The following NRXN3 variants were observed in gnomAD, a reference collection of about 807,000 sequenced individuals.
NRXN3 encodes neurexin 3.
NRXN3 carries 32 observed loss-of-function variants against 137.6 expected under a neutral mutation model. That is an observed-to-expected ratio of 0.23 (90% CI 0.18 to 0.31). The LOEUF is 0.31. Among genes scored for constraint, NRXN3 ranks in the 10% least tolerant of loss-of-function variants. The probability of loss-of-function intolerance (pLI) is 1.00; values close to 1 mark genes in which losing one functional copy is unlikely to be tolerated. For missense variants in NRXN3, 1,574 were observed against 2,062.5 expected, an observed-to-expected ratio of 0.76 and a Z score of 4.59; for synonymous variants, 798 against 784.5, an observed-to-expected ratio of 1.02 and a Z score of -0.29.
At chr14:78,501,641 G>T (rs948039833) in intron 4 of NRXN3, among the ~76,000 whole-genome samples, 4 of 152,148 alleles carry the variant, frequency 2.6e-5, no homozygotes, top group Non-Finnish European at 5.9e-5. Context: ...CATTATAGAA[G>T]TTGTCTACCA....
chr14:78,516,003 G>A (rs964928055), intron 4 of NRXN3, among the ~76,000 whole-genome samples: 3 of 152,054 alleles, frequency 2.0e-5, no homozygotes, highest in African/African-American at 7.2e-5. Context: ...TTGCTGTGAG[G>A]ACTAATGACA....
intron 15 of NRXN3, among the ~76,000 whole-genome samples, chr14:79,421,299 T>A (rs911696984): frequency 1.3e-5 from 2 of 152,196 alleles, no homozygotes; most frequent in Admixed American, 1.3e-4. Flanking sequence ...ATCCAGAAAT[T>A]TGCAGTTGTG....
intron 15 of NRXN3, among the ~76,000 whole-genome samples, chr14:79,254,673 G>T (rs1381452848): frequency 6.6e-6 from 1 of 152,100 alleles, no homozygotes; most frequent in Non-Finnish European, 1.5e-5. Flanking sequence ...GACCACTTTA[G>T]CTGCCATCAG....
intron 4 of NRXN3, among the ~76,000 whole-genome samples, chr14:78,596,048 C>T (rs1004127415): frequency 6.6e-6 from 1 of 152,072 alleles, no homozygotes; most frequent in Non-Finnish European, 1.5e-5. Context: ...CTACGACGCA[C>T]ATGACAGTGC....
intron 2 of NRXN3, among the ~76,000 whole-genome samples, chr14:78,275,035 A>C (rs1417147677): frequency 1.3e-5 from 2 of 152,212 alleles, no homozygotes; most frequent in African/African-American, 4.8e-5. Flanking sequence ...TGCATTTGCT[A>C]TTCCCCTGCC....
intron 1 of NRXN3, among the ~76,000 whole-genome samples, chr14:78,229,277 CTT>C (rs80311138): frequency 3.5e-5 from 5 of 142,136 alleles, no homozygotes; most frequent in African/African-American, 5.1e-5. Context: ...GGGTTTACTT[CTT>C]TTTTTTTTTT....
At chr14:79,617,536 G>A (rs1278643416) in intron 16 of NRXN3, among the ~76,000 whole-genome samples, 1 of 152,090 alleles carries the variant, frequency 6.6e-6, no homozygotes, top group Non-Finnish European at 1.5e-5. Context: ...TGTAGTCAAT[G>A]GCAAATATCA....
At position 78,700,026 on chromosome 14, in the gene NRXN3, G is replaced by A. The variant is rs2152799867; in HGVS notation, c.1222-9191G>A. Among the ~76,000 whole-genome samples the A allele has an allele frequency of 1.3e-5, 2 of 152,270 alleles. 1 individual carries two copies. Among genetic ancestry groups the A allele is most frequent in the South Asian group, 4.2e-4 (2 of 4,814 alleles). ...AAGTACAGTTTCAATCAAGTTTATG[G>A]TCATAGGTCCTTGTACATTAATTGA... On this transcript the variant is annotated intron_variant, in intron 6 of 20. Transcript: ENST00000335750.
At chr14:79,705,782 C>T (rs1194081651) in intron 19 of NRXN3, among the ~76,000 whole-genome samples, 3 of 152,140 alleles carry the variant, frequency 2.0e-5, no homozygotes, top group Non-Finnish European at 4.4e-5. Flanking sequence ...AACACTCTAT[C>T]GCCTTTTCCT....
intron 15 of NRXN3, among the ~76,000 whole-genome samples, chr14:79,005,337 C>T (rs2099550149): frequency 6.6e-6 from 1 of 152,192 alleles, no homozygotes; most frequent in South Asian, 2.1e-4. Flanking sequence ...AATCCATATC[C>T]TCTTACCTTA....
chr14:78,684,578 G>A (rs1415196938), intron 6 of NRXN3, among the ~76,000 whole-genome samples: 1 of 152,182 alleles, frequency 6.6e-6, no homozygotes, highest in African/African-American at 2.4e-5. Flanking sequence ...GCTGAGGCAG[G>A]AGGGTCACTC....
intron 15 of NRXN3, among the ~76,000 whole-genome samples, chr14:79,330,602 G>C (rs1006680910): frequency 2.0e-4 from 31 of 152,162 alleles, no homozygotes; most frequent in African/African-American, 7.0e-4. Context: ...CTGGCATAGA[G>C]GAGTGGAGTG....
At chr14:79,786,032 T>C (rs1232061612) in intron 19 of NRXN3, among the ~76,000 whole-genome samples, 1 of 152,078 alleles carries the variant, frequency 6.6e-6, no homozygotes, top group Non-Finnish European at 1.5e-5. Flanking sequence ...TTGGGACAGA[T>C]AAGACTTCCA....
chr14:78,267,272 A>T (rs147529934), intron 2 of NRXN3, among the ~76,000 whole-genome samples: 1 of 152,334 alleles, frequency 6.6e-6, no homozygotes, highest in African/African-American at 2.4e-5. Flanking sequence ...TAAGGGACTT[A>T]TCTAAGGTCA....
intron 15 of NRXN3, among the ~76,000 whole-genome samples, chr14:79,273,980 C>T (rs1459820757): frequency 2.6e-5 from 4 of 151,540 alleles, no homozygotes; most frequent in Non-Finnish European, 5.9e-5. Context: ...TCCTGTAATC[C>T]CAGCTACTCG....
At chr14:79,101,493 G>C (rs1294570429) in intron 15 of NRXN3, among the ~76,000 whole-genome samples, 1 of 152,188 alleles carries the variant, frequency 6.6e-6, no homozygotes, top group African/African-American at 2.4e-5. Context: ...CATATTTTCT[G>C]TGGGTCTTTT....
chr14:79,475,122 C>T (rs913133988), intron 16 of NRXN3, among the ~76,000 whole-genome samples: 1 of 152,060 alleles, frequency 6.6e-6, no homozygotes, highest in Admixed American at 6.6e-5. Context: ...CCACCAAGTA[C>T]ACTGGAAACC....
chr14:79,063,875 A>T (rs1004997086), intron 15 of NRXN3, among the ~76,000 whole-genome samples: 3 of 152,182 alleles, frequency 2.0e-5, no homozygotes, highest in Non-Finnish European at 4.4e-5. Context: ...TGACTTGAGA[A>T]AAAATAAAAA....
rs537669433 is a variant in NRXN3, at chr14:78,920,860, A to T, written c.2276-36382A>T. Among the ~76,000 whole-genome samples, 3 of 152,360 alleles carry T rather than the reference A, an allele frequency of 2.0e-5. No individual in the cohort carries two copies. The South Asian group carries it at 6.2e-4, about 32-fold the overall frequency. ...ACATGAGGAAGAGGACCCAGAGCAT[A>T]GATGCCCTCTCCTGGCACACTGCCC... On this transcript the variant is annotated intron_variant, in intron 10 of 20. Coordinates refer to ENST00000335750, the MANE Select transcript of NRXN3 (RefSeq NM_001330195.2).
Sources: allele counts gnomAD v4.1 joint callset (sites outside exome capture counted in the v4.1 genomes callset), GRCh38; gene constraint gnomAD v4.1.1; transcripts MANE v1.5; gene names NCBI Gene and HGNC (gene_info 2026-07-23, HGNC 2026-07-21).